The following CFAP251 variants were observed in gnomAD, a reference collection of about 807,000 sequenced individuals.
The protein encoded by CFAP251 is cilia and flagella associated protein 251, also known as cilia- and flagella-associated protein 251.
In CFAP251, 93 loss-of-function variants were observed where a neutral mutation model predicts 126.7. The ratio of observed to expected loss-of-function variants is 0.73; its 90% confidence interval spans 0.62 to 0.87. CFAP251 has a LOEUF of 0.87. Among genes scored for constraint, CFAP251 ranks in the 40% least tolerant of loss-of-function variants. CFAP251 has a pLI of 0.00. For synonymous variants in CFAP251, 503 were observed against 506.9 expected (o/e 0.99, Z 0.10); for missense variants, 1,287 against 1,389.2 (o/e 0.93, Z 1.17).
At chr12:121,951,614 C>T in intron 9 of CFAP251, 84 bp downstream of exon 9, 1 of 990,594 alleles carries the variant, frequency 1.0e-6, no homozygotes, top group Non-Finnish European at 1.5e-6. Context: ...TCGGGCTACT[C>T]TTTGTACATC....
intron 19 of CFAP251, 27 bp from the exon 20 acceptor site, chr12:121,999,688 CT>C (rs747144792): frequency 2.4e-3 from 3,216 of 1,355,154 alleles, no homozygotes; most frequent in Admixed American, 4.3e-3. Context: ...TTACTGTGGT[CT>C]TTTTTTTTTC....
At chr12:121,940,893 GCA>G (rs149448528) in intron 5 of CFAP251, among the ~76,000 whole-genome samples, 10 of 151,598 alleles carry the variant, frequency 6.6e-5, no homozygotes, top group African/African-American at 2.2e-4. Flanking sequence ...ACATACACAC[GCA>G]CACACACACA....
At chr12:121,945,111 T>C (rs756402046) in intron 7 of CFAP251, among the ~76,000 whole-genome samples, 13 of 152,134 alleles carry the variant, frequency 8.5e-5, no homozygotes, top group Non-Finnish European at 1.8e-4. Flanking sequence ...TGCTTTCTTC[T>C]TGGGTATTGT....
chr12:121,982,245 C>T (rs1022228189), intron 19 of CFAP251, among the ~76,000 whole-genome samples: 1 of 151,634 alleles, frequency 6.6e-6, no homozygotes, highest in Admixed American at 6.6e-5. Flanking sequence ...CTCACTCTGT[C>T]GCCCAGGCTG....
At chr12:121,964,967 G>A (rs1359217361) in intron 15 of CFAP251, among the ~76,000 whole-genome samples, 1 of 152,180 alleles carries the variant, frequency 6.6e-6, no homozygotes, top group East Asian at 1.9e-4. Context: ...TACTCATGGT[G>A]CTGTGCAACC....
intron 17 of CFAP251, among the ~76,000 whole-genome samples, chr12:121,970,734 C>T (rs1365193371): frequency 6.6e-6 from 1 of 152,228 alleles, no homozygotes; most frequent in Non-Finnish European, 1.5e-5. Context: ...GTAGCTACAC[C>T]ACAAGAAGGT....
At chr12:121,979,666 G>C (rs1459544219) in intron 19 of CFAP251, among the ~76,000 whole-genome samples, 1 of 140,736 alleles carries the variant, frequency 7.1e-6, no homozygotes, top group African/African-American at 2.6e-5. Flanking sequence ...CCAGGTTCAA[G>C]CGATTCTCCT....
chr12:121,944,621 T>G (rs1289454481), intron 7 of CFAP251, among the ~76,000 whole-genome samples: 1 of 152,176 alleles, frequency 6.6e-6, no homozygotes, highest in Non-Finnish European at 1.5e-5. Flanking sequence ...TTCCTAAGGA[T>G]TTTGTGGTTT....
rs770625309 is a variant in CFAP251, at chr12:121,967,057, T to C, written c.2595T>C (p.Ile865=). 8.1e-6 allele frequency: 13 copies of C among 1,613,936 alleles called. No homozygotes were observed. Among genetic ancestry groups the C allele is most frequent in the Non-Finnish European group, 1.1e-5 (13 of 1,179,902 alleles). The change falls in exon 16 of 22, where the codon ATT becomes ATC. Residue 865 remains isoleucine, a synonymous_variant. Coordinates refer to ENST00000288912, the MANE Select transcript of CFAP251 (RefSeq NM_144668.6). ...TACAGAAACGCTACTTGGTGTTTATTAACAGAGACAAGGTAACAGCGCTCT... is the reference window on the plus strand; with the variant it reads ...TACAGAAACGCTACTTGGTGTTTATCAACAGAGACAAGGTAACAGCGCTCT... ...AELQKRYLVF[I]NRDKVGLQIL...
In CFAP251 at chr12:121,954,037, ATAGCAT is replaced by A. The variant is rs1881624080; in HGVS notation, c.1321-80_1321-75del. ...TCTCTTTTTCTCACTATATTTCAGC[ATAGCAT>A]TATAAAATATCGTATTGATAAATGC... On this transcript the variant is annotated intron_variant, in intron 9 of 21. Coordinates refer to ENST00000288912, the MANE Select transcript of CFAP251 (RefSeq NM_144668.6). The A allele has an allele frequency of 6.7e-6, 8 of 1,200,854 alleles. No homozygotes were observed. The East Asian group carries it at 1.9e-4, about 29-fold the overall frequency. 74.4% of individuals were successfully genotyped at this position (1,200,854 alleles called of 1,614,324 possible). A position where few individuals can be genotyped will look rare whatever the true frequency, so the allele number is the denominator to read the frequency against.
intron 14 of CFAP251, among the ~76,000 whole-genome samples, chr12:121,960,989 T>C (rs769905072): frequency 6.6e-6 from 1 of 152,196 alleles, no homozygotes. Flanking sequence ...AGCAACAAGT[T>C]AGAAGGCAAG....
intron 4 of CFAP251, chr12:121,933,233 T>C (rs1363644330): frequency 6.6e-6 from 1 of 152,148 alleles, no homozygotes; most frequent in Non-Finnish European, 1.5e-5. Context: ...TAACTTTAGA[T>C]TGAGTGGGCA....
At chr12:121,922,055 A>AAAGTGC (rs1880203651) in intron 2 of CFAP251, among the ~76,000 whole-genome samples, 1 of 151,550 alleles carries the variant, frequency 6.6e-6, no homozygotes, top group South Asian at 2.1e-4. Context: ...TTGGCCTCCC[A>AAAGTGC]AAGTGCTAGG....
chr12:121,980,489 C>G (rs901817938), intron 19 of CFAP251, among the ~76,000 whole-genome samples: 10 of 150,450 alleles, frequency 6.6e-5, no homozygotes, highest in African/African-American at 2.5e-4. Context: ...GCTGGGACTA[C>G]AGGAGCGTGC....
chr12:121,958,625 G>T, intron 12 of CFAP251, 103 bp downstream of exon 12: 1 of 1,539,902 alleles, frequency 6.5e-7, no homozygotes, highest in Middle Eastern at 1.8e-4. Context: ...CCCGACTCCA[G>T]CCCCCAGCAG....
intron 3 of CFAP251, among the ~76,000 whole-genome samples, chr12:121,928,260 A>G (rs1880497051): frequency 6.6e-6 from 1 of 152,194 alleles, no homozygotes; most frequent in Non-Finnish European, 1.5e-5. Flanking sequence ...AAACAGCCAA[A>G]TATTAAATAA....
intron 10 of CFAP251, among the ~76,000 whole-genome samples, chr12:121,954,656 A>AAC (rs1881659870): frequency 6.7e-6 from 1 of 149,180 alleles, no homozygotes; most frequent in African/African-American, 2.5e-5. Context: ...AAAAAAAAAA[A>AAC]AAAAAAAAAA....
chr12:121,920,618 G>C (rs905464597), intron 1 of CFAP251, among the ~76,000 whole-genome samples: 1 of 151,798 alleles, frequency 6.6e-6, no homozygotes, highest in Non-Finnish European at 1.5e-5. Context: ...GGATGGTCTC[G>C]ATCTCCTGAC....
intron 19 of CFAP251, among the ~76,000 whole-genome samples, chr12:121,977,925 C>G (rs994558397): frequency 2.6e-4 from 40 of 150,982 alleles, no homozygotes; most frequent in South Asian, 4.2e-4. Context: ...CGCCACTGCA[C>G]TCCAGCCTGG....
Sources: allele counts gnomAD v4.1 joint callset (sites outside exome capture counted in the v4.1 genomes callset), GRCh38; gene constraint gnomAD v4.1.1; transcripts MANE v1.5; gene names NCBI Gene and HGNC (gene_info 2026-07-23, HGNC 2026-07-21).